The following SPATA13 variants were observed in gnomAD, a reference collection of about 807,000 sequenced individuals.
The protein encoded by SPATA13 is spermatogenesis associated 13.
SPATA13 carries 50 observed loss-of-function variants against 104.0 expected under a neutral mutation model. The ratio of observed to expected loss-of-function variants is 0.48; its 90% CI spans 0.38 to 0.61. The LOEUF is 0.61. Ranked by LOEUF, SPATA13 falls within the 20% of genes least tolerant of loss-of-function variation. SPATA13 has a pLI of 0.00. For synonymous variants in SPATA13, 606 were observed against 667.5 expected (o/e 0.91, Z 1.42); for missense variants, 1,524 against 1,690.6 (o/e 0.90, Z 1.73).
At chr13:24,024,473 A>G (rs883262) in intron 3 of SPATA13, among the ~76,000 whole-genome samples, 81,389 of 151,638 alleles carry the variant, frequency 0.54, 22,003 homozygotes, top group Middle Eastern at 0.57. Context: ...GACAAGACCA[A>G]CCACATGCAA....
intron 2 of SPATA13, among the ~76,000 whole-genome samples, chr13:23,994,240 T>C (rs1875566968): frequency 6.6e-6 from 1 of 152,202 alleles, no homozygotes; most frequent in African/African-American, 2.4e-5. Context: ...ACCAAACCTA[T>C]GGCAAAACTA....
intron 3 of SPATA13, among the ~76,000 whole-genome samples, chr13:24,075,894 T>C (rs9578675): frequency 0.021 from 3,139 of 152,144 alleles, 120 homozygotes; most frequent in African/African-American, 0.072. Context: ...AGAAGAGAGA[T>C]TTCTATAGAA....
chr13:24,126,213 A>G (rs1233630576), intron 3 of SPATA13, among the ~76,000 whole-genome samples: 1 of 152,086 alleles, frequency 6.6e-6, no homozygotes, highest in African/African-American at 2.4e-5. Flanking sequence ...TGGGGGCAGG[A>G]GCCATGGGGA....
At chr13:24,103,483 T>TAAAAAA (rs1228709596) in intron 3 of SPATA13, among the ~76,000 whole-genome samples, 1 of 8,340 alleles carries the variant, frequency 1.2e-4, no homozygotes, top group Non-Finnish European at 5.3e-4. Flanking sequence ...AGACCCTGTC[T>TAAAAAA]CAAAAAAAAA....
chr13:24,273,551 A>T (rs547515640), intron 4 of SPATA13, among the ~76,000 whole-genome samples: 13 of 152,362 alleles, frequency 8.5e-5, no homozygotes, highest in African/African-American at 3.1e-4. Context: ...TGGAACATGA[A>T]ACATATTTCA....
At chr13:24,162,062 G>A (rs77792538) in intron 1 of SPATA13, among the ~76,000 whole-genome samples, 4,006 of 151,414 alleles carry the variant, frequency 0.026, 73 homozygotes, top group Middle Eastern at 0.075. Context: ...CATTATTCTC[G>A]GGGTGCCTGT....
intron 11 of SPATA13, among the ~76,000 whole-genome samples, chr13:24,299,479 G>C (rs760682863): frequency 1.3e-5 from 2 of 152,230 alleles, no homozygotes; most frequent in Non-Finnish European, 2.9e-5. Flanking sequence ...AGATCAGAGA[G>C]AATGGACACG....
intron 1 of SPATA13, among the ~76,000 whole-genome samples, chr13:24,203,785 C>T (rs1462652346): frequency 6.6e-6 from 1 of 152,096 alleles, no homozygotes; most frequent in Admixed American, 6.5e-5. Context: ...TTTTTGTAGT[C>T]TCTCCCACAG....
chr13:24,276,270 C>CT (rs1196874449), intron 4 of SPATA13, among the ~76,000 whole-genome samples: 1 of 152,020 alleles, frequency 6.6e-6, no homozygotes, highest in East Asian at 1.9e-4. Flanking sequence ...TGGTTTTTTC[C>CT]TTTTTTAAAA....
chr13:24,295,002 G>T, intron 10 of SPATA13, 134 bp downstream of exon 10: 1 of 864,238 alleles, frequency 1.2e-6, no homozygotes, highest in South Asian at 3.0e-5. Flanking sequence ...ACCATTAATG[G>T]TAAATGTATT....
intron 3 of SPATA13, among the ~76,000 whole-genome samples, chr13:24,018,359 TTA>T (rs1400248244): frequency 1.3e-5 from 2 of 152,196 alleles, no homozygotes; most frequent in Non-Finnish European, 2.9e-5. Context: ...CATCTTAGCA[TTA>T]TTTGTAACTG....
At position 24,190,166 on chromosome 13, in the gene SPATA13, ATAT is replaced by A. The variant is rs1425622557; in HGVS notation, c.-112+29241_-112+29243del. Among the ~76,000 whole-genome samples the A allele has an allele frequency of 2.2e-3, 187 of 86,482 alleles. 47 individuals are homozygous for A. The highest frequency in any genetic ancestry group is 1.0e-2 in the African/African-American group (181 of 18,148). 56.7% of individuals were successfully genotyped at this position (86,482 alleles called of 152,430 possible). A position where few individuals can be genotyped will look rare whatever the true frequency, so the allele number is the denominator to read the frequency against. On this transcript the variant is annotated intron_variant, in intron 1 of 12. Coordinates refer to ENST00000382108, the MANE Select transcript of SPATA13 (RefSeq NM_001166271.3). ...TTATTATATAACATATATATAATAT[ATAT>A]TATTATATAACATATCATATATAAT... is the stretch of plus-strand genomic sequence containing the variant.
chr13:24,190,950 CT>C, intron 1 of SPATA13, among the ~76,000 whole-genome samples: 1 of 152,122 alleles, frequency 6.6e-6, no homozygotes, highest in East Asian at 1.9e-4. Context: ...TGCAGCAAAC[CT>C]CACTGTCTTC....
chr13:24,280,369 C>T (rs1406637493), intron 4 of SPATA13, among the ~76,000 whole-genome samples: 1 of 152,152 alleles, frequency 6.6e-6, no homozygotes, highest in Non-Finnish European at 1.5e-5. Flanking sequence ...ACAGCAATAG[C>T]TAGATCATGG....
chr13:24,237,888 A>G (rs1218499377), intron 2 of SPATA13, among the ~76,000 whole-genome samples: 1 of 145,990 alleles, frequency 6.8e-6, no homozygotes, highest in Non-Finnish European at 1.5e-5. Context: ...ATCATTTATA[A>G]TATATAAACA....
chr13:24,076,022 G>A (rs1302609394), intron 3 of SPATA13, among the ~76,000 whole-genome samples: 1 of 152,190 alleles, frequency 6.6e-6, no homozygotes, highest in Non-Finnish European at 1.5e-5. Flanking sequence ...TTAAGAATGT[G>A]CTGCCCAAAC....
chr13:24,189,476 T>C (rs1369217526), intron 1 of SPATA13, among the ~76,000 whole-genome samples: 1 of 58,884 alleles, frequency 1.7e-5, no homozygotes, highest in Non-Finnish European at 5.0e-5. Flanking sequence ...TCCATCTCTC[T>C]CTCTCTCTAT....
chr13:24,204,163 A>C (rs1285311290), intron 1 of SPATA13, among the ~76,000 whole-genome samples: 3 of 152,170 alleles, frequency 2.0e-5, no homozygotes, highest in Non-Finnish European at 4.4e-5. Context: ...GCCAGAGGCT[A>C]ACCCGAATGC....
intron 3 of SPATA13, among the ~76,000 whole-genome samples, chr13:24,126,787 G>A (rs975126045): frequency 1.3e-5 from 2 of 152,190 alleles, no homozygotes; most frequent in Admixed American, 6.5e-5. Context: ...AAACTCCTGG[G>A]CTCAAGAGAT....
Sources: gnomAD v4.1 joint callset for allele counts (sites outside exome capture counted in the v4.1 genomes callset) on GRCh38, gnomAD v4.1.1 for gene constraint, MANE v1.5 for transcripts, NCBI Gene and HGNC (gene_info 2026-07-23, HGNC 2026-07-21) for gene names.